The following FGF14 variants were observed in gnomAD, a reference collection of about 807,000 sequenced individuals.
FGF14 encodes fibroblast growth factor 14.
Under a neutral mutation model 25.5 loss-of-function variants are expected in FGF14, and 5 were observed. That is an observed-to-expected ratio of 0.20 (90% CI 0.10 to 0.41). FGF14 has a LOEUF of 0.41. Among genes scored for constraint, FGF14 ranks in the 10% least tolerant of loss-of-function variants. The pLI is 1.00. For synonymous variants in FGF14, 138 were observed against 118.3 expected (o/e 1.17, Z -1.08); for missense variants, 222 against 320.1 (o/e 0.69, Z 2.34).
chr13:102,372,241 G>A (rs1206772637), intron 1 of FGF14, among the ~76,000 whole-genome samples: 2 of 152,054 alleles, frequency 1.3e-5, no homozygotes, highest in Non-Finnish European at 2.9e-5. Context: ...ATAGCACGTA[G>A]GTAGGGGTTG....
chr13:102,190,350 T>C (rs2049072249), intron 1 of FGF14, among the ~76,000 whole-genome samples: 1 of 152,190 alleles, frequency 6.6e-6, no homozygotes, highest in African/African-American at 2.4e-5. Flanking sequence ...TGATTCTCAG[T>C]CTGAGGCAAT....
chr13:102,167,352 G>T (rs1021377909), intron 1 of FGF14, among the ~76,000 whole-genome samples: 2 of 149,178 alleles, frequency 1.3e-5, no homozygotes, highest in African/African-American at 2.5e-5. Context: ...GTTACCTCAG[G>T]TTGCGTCTAT....
intron 1 of FGF14, among the ~76,000 whole-genome samples, chr13:102,008,749 C>A (rs780860057): frequency 1.3e-5 from 2 of 151,900 alleles, no homozygotes; most frequent in Non-Finnish European, 2.9e-5. Flanking sequence ...GAACTTGTTA[C>A]GGGAACTAAT....
intron 1 of FGF14, among the ~76,000 whole-genome samples, chr13:102,350,966 G>A (rs1468630172): frequency 6.6e-6 from 1 of 152,116 alleles, no homozygotes; most frequent in Non-Finnish European, 1.5e-5. Context: ...TGGGGGTGGA[G>A]GTATCCACCA....
chr13:102,046,694 T>C (rs969881843), intron 1 of FGF14, among the ~76,000 whole-genome samples: 6 of 152,224 alleles, frequency 3.9e-5, no homozygotes, highest in Non-Finnish European at 5.9e-5. Flanking sequence ...TTATTGAAAT[T>C]ACTTTATCAC....
chr13:102,370,658 TTAAC>T (rs147627628), intron 1 of FGF14, among the ~76,000 whole-genome samples: 8,188 of 152,260 alleles, frequency 0.054, 372 homozygotes, highest in East Asian at 0.18. Flanking sequence ...ATTATTTTAT[TTAAC>T]TAAGTGAGAT....
chr13:102,058,058 G>A (rs1256025036), intron 1 of FGF14, among the ~76,000 whole-genome samples: 1 of 152,160 alleles, frequency 6.6e-6, no homozygotes, highest in African/African-American at 2.4e-5. Context: ...CCTGAAACCT[G>A]TGAAGCTTTT....
chr13:102,156,412 CAT>C (rs1330043349), intron 1 of FGF14, among the ~76,000 whole-genome samples: 4 of 152,196 alleles, frequency 2.6e-5, no homozygotes, highest in Non-Finnish European at 5.9e-5. Context: ...ACAAAAACCA[CAT>C]GATTATCTCA....
At chr13:102,284,442 A>G (rs1292182415) in intron 1 of FGF14, among the ~76,000 whole-genome samples, 2 of 152,220 alleles carry the variant, frequency 1.3e-5, no homozygotes, top group Non-Finnish European at 2.9e-5. Context: ...TACTTTGGAT[A>G]AAGTTTAACC....
At chr13:102,132,636 C>G (rs1435977514) in intron 1 of FGF14, among the ~76,000 whole-genome samples, 1 of 151,926 alleles carries the variant, frequency 6.6e-6, no homozygotes, top group Non-Finnish European at 1.5e-5. Context: ...TCTGCTGCAG[C>G]CTCTCAAGTA....
chr13:102,126,962 A>G (rs1053662619), intron 1 of FGF14, among the ~76,000 whole-genome samples: 1 of 152,176 alleles, frequency 6.6e-6, no homozygotes, highest in Admixed American at 6.5e-5. Context: ...CAGGGCCACA[A>G]TGGCTAGAAC....
intron 1 of FGF14, among the ~76,000 whole-genome samples, chr13:102,274,353 G>C (rs1011127898): frequency 3.3e-5 from 5 of 152,106 alleles, no homozygotes; most frequent in Admixed American, 3.3e-4. Context: ...AAGGAATGCT[G>C]CATGTATCTG....
intron 3 of FGF14, among the ~76,000 whole-genome samples, chr13:101,767,364 T>C (rs1306751893): frequency 6.6e-6 from 1 of 152,184 alleles, no homozygotes; most frequent in Non-Finnish European, 1.5e-5. Context: ...GATCATTCTT[T>C]TTTTAAAAGC....
intron 1 of FGF14, among the ~76,000 whole-genome samples, chr13:101,897,819 C>T (rs1251112239): frequency 6.6e-6 from 1 of 152,176 alleles, no homozygotes; most frequent in Non-Finnish European, 1.5e-5. Flanking sequence ...TCTGAAACTT[C>T]TTGAACACTG....
At chr13:102,337,129 T>C (rs567020437) in intron 1 of FGF14, among the ~76,000 whole-genome samples, 14 of 152,340 alleles carry the variant, frequency 9.2e-5, no homozygotes, top group African/African-American at 9.6e-5. Flanking sequence ...ATTGCCACCA[T>C]AGATAGTAAT....
chr13:102,227,124 C>T (rs182939773), intron 1 of FGF14, among the ~76,000 whole-genome samples: 127 of 152,140 alleles, frequency 8.3e-4, no homozygotes, highest in Middle Eastern at 3.4e-3. Flanking sequence ...TTATTTTTCT[C>T]AAAATAAAGC....
Position 101,993,309 on chromosome 13 carries a change from A to C in FGF14, c.209-118013T>G, listed in dbSNP as rs1328575799. Among the ~76,000 whole-genome samples the C allele has an allele frequency of 3.3e-5, 5 of 152,046 alleles. No homozygotes were observed. The East Asian group carries it at 7.7e-4, about 23-fold the overall frequency. On this transcript the variant is annotated intron_variant, in intron 1 of 4. Coordinates refer to the FGF14 transcript ENST00000376131. Reference sequence around the variant, plus strand: ...GACTCTTAGAGTAACAAAACAAGGAAATTTTTTTGCCAGTGGAGCTGCCTT... The same window carrying C: ...GACTCTTAGAGTAACAAAACAAGGACATTTTTTTGCCAGTGGAGCTGCCTT...
intron 1 of FGF14, among the ~76,000 whole-genome samples, chr13:102,174,259 C>T (rs566975355): frequency 6.6e-6 from 1 of 151,650 alleles, no homozygotes; most frequent in African/African-American, 2.4e-5. Flanking sequence ...CTCAGTCTCC[C>T]GAGTAGCTGG....
intron 3 of FGF14, among the ~76,000 whole-genome samples, chr13:101,818,030 C>T (rs1487072706): frequency 1.3e-5 from 2 of 152,194 alleles, no homozygotes; most frequent in Non-Finnish European, 2.9e-5. Flanking sequence ...TAAGTGCTTA[C>T]TATACATCTG....
Sources: gnomAD v4.1 joint callset for allele counts (sites outside exome capture counted in the v4.1 genomes callset) on GRCh38, gnomAD v4.1.1 for gene constraint, MANE v1.5 for transcripts, NCBI Gene and HGNC (gene_info 2026-07-23, HGNC 2026-07-21) for gene names.